The following PCBD2 variants were observed in gnomAD, a reference collection of about 807,000 sequenced individuals.
The protein encoded by PCBD2 is pterin-4-alpha-carbinolamine dehydratase 2.
PCBD2 carries 12 observed loss-of-function variants against 16.4 expected under a neutral mutation model. The ratio of observed to expected loss-of-function variants is 0.73; its 90% CI spans 0.47 to 1.19. The LOEUF is 1.19. Among genes scored for constraint, PCBD2 ranks in the 50% most tolerant of loss-of-function variants. PCBD2 has a pLI of 0.00. For missense variants in PCBD2, 138 were observed against 156.8 expected, an observed-to-expected ratio of 0.88 and a Z score of 0.64; for synonymous variants, 58 against 61.8, an observed-to-expected ratio of 0.94 and a Z score of 0.29.
intron 3 of PCBD2, among the ~76,000 whole-genome samples, chr5:134,960,040 A>C (rs1751458177): frequency 1.3e-5 from 2 of 151,578 alleles, no homozygotes; most frequent in Admixed American, 1.3e-4. Flanking sequence ...ACAGGCGTGC[A>C]GGGTAACTTT....
chr5:134,937,870 T>C (rs1751179186), intron 2 of PCBD2, among the ~76,000 whole-genome samples: 1 of 152,250 alleles, frequency 6.6e-6, no homozygotes, highest in African/African-American at 2.4e-5. Flanking sequence ...AGCGTAAGTC[T>C]TCATTTGTTT....
intron 2 of PCBD2, among the ~76,000 whole-genome samples, chr5:134,937,300 A>AT (rs1186738412): frequency 3.9e-5 from 6 of 152,138 alleles, no homozygotes; most frequent in Non-Finnish European, 7.4e-5. Flanking sequence ...ACATGAAAAT[A>AT]TTTTTTTCAT....
At chr5:134,944,170 A>T (rs1751264586) in intron 2 of PCBD2, among the ~76,000 whole-genome samples, 2 of 152,152 alleles carry the variant, frequency 1.3e-5, no homozygotes, top group African/African-American at 4.8e-5. Context: ...TTCTTTCATG[A>T]TTGAAACTTT....
At chr5:134,915,123 T>C (rs1750812874) in intron 2 of PCBD2, among the ~76,000 whole-genome samples, 1 of 152,064 alleles carries the variant, frequency 6.6e-6, no homozygotes. Context: ...GAGACCAGCC[T>C]GACCAACCTG....
intron 2 of PCBD2, among the ~76,000 whole-genome samples, chr5:134,944,213 C>A (rs1751264979): frequency 6.6e-6 from 1 of 152,164 alleles, no homozygotes; most frequent in Non-Finnish European, 1.5e-5. Flanking sequence ...TAAAAACCTC[C>A]CTGTGCCTAG....
chr5:134,947,775 GT>G lies in PCBD2; in HGVS notation c.217-11255del, dbSNP rs555180987. On this transcript the variant is annotated intron_variant, in intron 2 of 3. Transcript: ENST00000254908. ...GCACAAAGTTGAAGCCTATGAAGTC[GT>G]TTTTTTTTTATATAAAGTAGAATTT... Among the ~76,000 whole-genome samples the G allele has an allele frequency of 6.6e-3, 976 of 147,910 alleles. 8 individuals are homozygous for G. The highest frequency in any genetic ancestry group is 9.1e-3 in the Non-Finnish European group (604 of 66,652).
rs1247694120 is a variant in PCBD2, at chr5:134,910,449, T to G, written c.199T>G (p.Phe67Val). ...AGATGCCATCTACAAAGAATTCTCCTTCCACAATTTTAATCAGGTAATTGT... is the reference window on the plus strand; with the variant it reads ...AGATGCCATCTACAAAGAATTCTCCGTCCACAATTTTAATCAGGTAATTGT... ...ERDAIYKEFSFHNFNQAFGFM... is the reference protein window; with the variant it reads ...ERDAIYKEFSVHNFNQAFGFM... The change falls in exon 2 of 4, where the codon TTC becomes GTC. Residue 67 changes from phenylalanine to valine, a missense_variant. Physicochemically the swap from Phe to Val is conservative, Grantham distance 50. Transcript: ENST00000254908. The G allele has an allele frequency of 3.1e-6, 5 of 1,614,128 alleles. No individual in the cohort carries two copies. The highest frequency in any genetic ancestry group is 4.2e-6 in the Non-Finnish European group (5 of 1,179,952).
chr5:134,910,434 T>C lies in PCBD2; in HGVS notation c.184T>C (p.Tyr62His), dbSNP rs1331387884. ...GGAATTAAGTGAGAGAGATGCCATC[T>C]ACAAAGAATTCTCCTTCCACAATTT... ...WSELSERDAIYKEFSFHNFNQ... is the reference protein window; with the variant it reads ...WSELSERDAIHKEFSFHNFNQ... The change falls in exon 2 of 4, where the codon TAC becomes CAC. Residue 62 changes from tyrosine to histidine, a missense_variant. Coordinates refer to ENST00000254908, the MANE Select transcript of PCBD2 (RefSeq NM_032151.5). 6.2e-7 allele frequency: 1 copy of C among 1,614,184 alleles called. No homozygotes were observed. The highest frequency in any genetic ancestry group is 2.2e-5 in the East Asian group (1 of 44,890).
intron 1 of PCBD2, among the ~76,000 whole-genome samples, chr5:134,909,898 C>T (rs553543826): frequency 3.9e-5 from 6 of 152,272 alleles, no homozygotes; most frequent in Admixed American, 1.3e-4. Flanking sequence ...GTGAAAATCC[C>T]TCTCTACCAA....
At chr5:134,934,474 CT>C (rs1397732722) in intron 2 of PCBD2, among the ~76,000 whole-genome samples, 1 of 152,122 alleles carries the variant, frequency 6.6e-6, no homozygotes, top group African/African-American at 2.4e-5. Flanking sequence ...AAATAATTCT[CT>C]TTTCAAGTCT....
chr5:134,926,863 T>C (rs1425781054), intron 2 of PCBD2: 1 of 398,042 alleles, frequency 2.5e-6, no homozygotes, highest in Non-Finnish European at 4.4e-6. Flanking sequence ...AGTAGGAGAG[T>C]GATATTTGAT....
intron 2 of PCBD2, among the ~76,000 whole-genome samples, chr5:134,939,063 T>C (rs977020412): frequency 6.6e-6 from 1 of 152,194 alleles, no homozygotes; most frequent in African/African-American, 2.4e-5. Context: ...ATTATTATAA[T>C]TGTTTTTTAC....
rs75723421 is a variant in PCBD2 at position 134,958,085 on chromosome 5, C to T, written c.217-955C>T. ...GGTAATGAAGTTAAATATTTGTTTACGTGGGTGTAATGGGTATTGCCCTGT... is the reference window on the plus strand; with the variant it reads ...GGTAATGAAGTTAAATATTTGTTTATGTGGGTGTAATGGGTATTGCCCTGT... On this transcript the variant is annotated intron_variant, in intron 2 of 3. Coordinates refer to ENST00000254908, the MANE Select transcript of PCBD2 (RefSeq NM_032151.5). Among the ~76,000 whole-genome samples the T allele has an allele frequency of 2.8e-4, 43 of 152,194 alleles. No individual in the cohort carries two copies. The East Asian group carries it at 7.6e-3, about 27-fold the overall frequency.
intron 1 of PCBD2, among the ~76,000 whole-genome samples, chr5:134,908,160 G>T (rs1750720801): frequency 6.6e-6 from 1 of 150,720 alleles, no homozygotes; most frequent in African/African-American, 2.4e-5. Context: ...GGCCTAAAAT[G>T]ATCCTCCCAC....
intron 1 of PCBD2, chr5:134,905,755 G>A (rs319597): frequency 0.56 from 85,457 of 152,392 alleles, 23,952 homozygotes; most frequent in Admixed American, 0.58. Context: ...TTAATATTTT[G>A]GAGTAAATGG....
chr5:134,960,534 A>G, intron 3 of PCBD2, 52 bp from the exon 4 acceptor site: 10 of 1,294,398 alleles, frequency 7.7e-6, no homozygotes, highest in Non-Finnish European at 9.9e-6. Flanking sequence ...CCAAAGGAAA[A>G]TAACCATGAT....
At chr5:134,917,492 A>G (rs1474747739) in intron 2 of PCBD2, among the ~76,000 whole-genome samples, 1 of 152,120 alleles carries the variant, frequency 6.6e-6, no homozygotes, top group Non-Finnish European at 1.5e-5. Flanking sequence ...GAAGGGACCA[A>G]GCTTTGTGAG....
At chr5:134,922,318 T>TA (rs1367973804) in intron 2 of PCBD2, among the ~76,000 whole-genome samples, 4 of 152,204 alleles carry the variant, frequency 2.6e-5, no homozygotes, top group African/African-American at 9.6e-5. Context: ...TAGCTGGGAT[T>TA]ACAGGTGTGA....
At chr5:134,924,871 G>C (rs1281555592) in intron 2 of PCBD2, 1 of 390,478 alleles carries the variant, frequency 2.6e-6, no homozygotes, top group Non-Finnish European at 4.5e-6. Flanking sequence ...TATGATACTA[G>C]GGTAAAATCC....
Sources: allele counts gnomAD v4.1 joint callset (sites outside exome capture counted in the v4.1 genomes callset), GRCh38; gene constraint gnomAD v4.1.1; transcripts MANE v1.5; gene names NCBI Gene and HGNC (gene_info 2026-07-23, HGNC 2026-07-21).